The following BTLA variants were observed in gnomAD, a reference collection of about 807,000 sequenced individuals.
BTLA encodes B- and T-lymphocyte attenuator.
A neutral mutation model predicts 25.0 loss-of-function variants in BTLA; 11 were observed. The ratio of observed to expected loss-of-function variants is 0.44; its 90% CI spans 0.28 to 0.73. The LOEUF (loss-of-function observed/expected upper bound fraction) is 0.73, where lower values mean the gene tolerates loss of function less well. Among genes scored for constraint, BTLA ranks in the 30% least tolerant of loss-of-function variants. BTLA has a pLI of 0.15. For synonymous variants in BTLA, 104 were observed against 119.8 expected (o/e 0.87, Z 0.86); for missense variants, 282 against 332.8 (o/e 0.85, Z 1.19).
intron 1 of BTLA, among the ~76,000 whole-genome samples, chr3:112,483,493 T>C (rs955277163): frequency 4.8e-4 from 73 of 152,172 alleles, no homozygotes; most frequent in African/African-American, 1.6e-3. Context: ...CAATTTACTA[T>C]ATACCAGTCT....
intron 1 of BTLA, among the ~76,000 whole-genome samples, chr3:112,488,051 T>A (rs2082358013): frequency 6.6e-6 from 1 of 152,120 alleles, no homozygotes; most frequent in African/African-American, 2.4e-5. Flanking sequence ...TGATTCAGGA[T>A]GGAAAATGTC....
chr3:112,466,867 T>G (rs1481805615), intron 4 of BTLA, among the ~76,000 whole-genome samples: 1 of 152,090 alleles, frequency 6.6e-6, no homozygotes, highest in Non-Finnish European at 1.5e-5. Context: ...GACCTTAAAT[T>G]AAAAAATTGA....
At chr3:112,470,140 G>C (rs1023098435) in intron 3 of BTLA, 5 of 187,146 alleles carry the variant, frequency 2.7e-5, no homozygotes, top group African/African-American at 4.7e-5. Flanking sequence ...ATGTAGCCAA[G>C]ATCTCCTACT....
At chr3:112,491,803 C>T (rs1027688996) in intron 1 of BTLA, among the ~76,000 whole-genome samples, 18 of 149,910 alleles carry the variant, frequency 1.2e-4, no homozygotes, top group African/African-American at 4.0e-4. Context: ...ACACAGAAGA[C>T]TCTGCTGTGA....
rs747719117 is a variant in BTLA, at chr3:112,479,579, C to T, written c.279G>A (p.Lys93=). The T allele has an allele frequency of 7.4e-6, 12 of 1,613,926 alleles. No individual in the cohort carries two copies. The African/African-American group carries it at 1.3e-4, about 18-fold the overall frequency. ...AATGTAGAATGAAAAATGAAATGTT[C>T]TTCTCTTCCTTCCAACTTGTTTGTC... ...EDRQTSWKEE[K]NISFFILHFE... Residue 93 remains lysine, a synonymous_variant, in exon 2 of 5, where the codon AAG becomes AAA. Transcript: ENST00000334529.
intron 4 of BTLA, 132 bp from the exon 5 acceptor site, chr3:112,466,515 A>T: frequency 1.3e-6 from 1 of 771,788 alleles, no homozygotes; most frequent in Non-Finnish European, 1.9e-6. Context: ...TTCCTCACAT[A>T]CTCTGCTGAC....
chr3:112,470,662 AC>A (rs1320697725), intron 3 of BTLA, among the ~76,000 whole-genome samples: 2 of 152,134 alleles, frequency 1.3e-5, no homozygotes, highest in Admixed American at 6.5e-5. Flanking sequence ...TCATAGCCAA[AC>A]CCACATTTTT....
At chr3:112,478,187 A>G (rs780632346) in intron 2 of BTLA, among the ~76,000 whole-genome samples, 1 of 152,048 alleles carries the variant, frequency 6.6e-6, no homozygotes, top group African/African-American at 2.4e-5. Context: ...ATTTTAGTGG[A>G]ACTGCATTGA....
intron 1 of BTLA, among the ~76,000 whole-genome samples, chr3:112,482,716 A>G (rs934994167): frequency 6.6e-6 from 1 of 152,220 alleles, no homozygotes; most frequent in Non-Finnish European, 1.5e-5. Context: ...GTTCACTTTA[A>G]GACTTCTTAA....
intron 2 of BTLA, among the ~76,000 whole-genome samples, chr3:112,476,117 A>G (rs2082287215): frequency 6.6e-6 from 1 of 152,202 alleles, no homozygotes; most frequent in Non-Finnish European, 1.5e-5. Flanking sequence ...CCTGCCATCC[A>G]TCATACAGAG....
chr3:112,467,104 C>T (rs1316650111), intron 4 of BTLA, among the ~76,000 whole-genome samples: 1 of 151,962 alleles, frequency 6.6e-6, no homozygotes, highest in Admixed American at 6.6e-5. Context: ...ACTACAGGCG[C>T]CCGCCACCTC....
At chr3:112,487,453 C>T (rs1329143343) in intron 1 of BTLA, among the ~76,000 whole-genome samples, 1 of 152,068 alleles carries the variant, frequency 6.6e-6, no homozygotes, top group South Asian at 2.1e-4. Flanking sequence ...GGTATGGTGG[C>T]GCATGCCTGT....
intron 1 of BTLA, among the ~76,000 whole-genome samples, chr3:112,485,466 T>G (rs1449304276): frequency 6.6e-6 from 1 of 152,200 alleles, no homozygotes; most frequent in Non-Finnish European, 1.5e-5. Context: ...CCCCAAAAGT[T>G]TGTCTTATCA....
rs545515828 is a variant in BTLA at position 112,479,692 on chromosome 3, G to A, written c.166C>T (p.Leu56=). Residue 56 remains leucine, a synonymous_variant, in exon 2 of 5, where the codon CTA becomes TTA. Transcript: ENST00000334529. ...GCACAGTATTTCACAGGGCATTCTA[G>A]TTCAAAGGGATCTCCTGCTAAGATG... The part of the protein sequence containing the change: ...HSILAGDPFE[L]ECPVKYCANR... The A allele has an allele frequency of 1.6e-5, 26 of 1,613,950 alleles. No homozygotes were observed. In the South Asian group the frequency reaches 2.7e-4, roughly 17 times the overall value.
chr3:112,482,185 C>A (rs1454149634), intron 1 of BTLA, among the ~76,000 whole-genome samples: 1 of 152,018 alleles, frequency 6.6e-6, no homozygotes. Flanking sequence ...TCTTTCTTAG[C>A]CTTTCTTTCT....
At chr3:112,472,640 A>T (rs2082269009) in intron 2 of BTLA, among the ~76,000 whole-genome samples, 1 of 152,088 alleles carries the variant, frequency 6.6e-6, no homozygotes, top group South Asian at 2.1e-4. Flanking sequence ...ACTTCGGTGA[A>T]CCGAGATGGT....
At chr3:112,471,040 C>A (rs2107310933) in intron 3 of BTLA, among the ~76,000 whole-genome samples, 172 bp downstream of exon 3, 1 of 152,324 alleles carries the variant, frequency 6.6e-6, no homozygotes, top group South Asian at 2.1e-4. Flanking sequence ...GAGCCCCAAC[C>A]AACCTATTTA....
intron 4 of BTLA, among the ~76,000 whole-genome samples, chr3:112,466,720 G>A (rs1199666125): frequency 1.3e-5 from 2 of 152,036 alleles, no homozygotes; most frequent in Non-Finnish European, 2.9e-5. Context: ...GAAAACTTCA[G>A]GCAGTTTATA....
chr3:112,495,544 G>A (rs1219375398), intron 1 of BTLA, among the ~76,000 whole-genome samples: 1 of 152,178 alleles, frequency 6.6e-6, no homozygotes, highest in African/African-American at 2.4e-5. Flanking sequence ...ATGAGCACAA[G>A]GTTAATCTTT....
Sources: allele counts gnomAD v4.1 joint callset (sites outside exome capture counted in the v4.1 genomes callset), GRCh38; gene constraint gnomAD v4.1.1; transcripts MANE v1.5; gene names NCBI Gene and HGNC (gene_info 2026-07-23, HGNC 2026-07-21).